The following SPOCK1 variants were observed in gnomAD, a reference collection of about 807,000 sequenced individuals.
SPOCK1 encodes testican-1.
A neutral mutation model predicts 55.3 loss-of-function variants in SPOCK1; 23 were observed. The ratio of observed to expected loss-of-function variants is 0.42; its 90% CI spans 0.30 to 0.59. SPOCK1 has a LOEUF of 0.59. Ranked by LOEUF, SPOCK1 falls within the 20% of genes least tolerant of loss-of-function variation. SPOCK1 has a pLI of 0.22. For synonymous variants in SPOCK1, 226 were observed against 221.0 expected, an observed-to-expected ratio of 1.02 and a Z score of -0.20; for missense variants, 499 against 552.5, an observed-to-expected ratio of 0.90 and a Z score of 0.97.
At chr5:136,982,047 TA>T (rs1750742305) in intron 9 of SPOCK1, among the ~76,000 whole-genome samples, 1 of 152,212 alleles carries the variant, frequency 6.6e-6, no homozygotes, top group Non-Finnish European at 1.5e-5. Flanking sequence ...TTCAGTACGA[TA>T]AAATGGTGTA....
intron 5 of SPOCK1, among the ~76,000 whole-genome samples, chr5:137,083,380 C>T (rs1186024261): frequency 6.6e-6 from 1 of 152,180 alleles, no homozygotes; most frequent in Non-Finnish European, 1.5e-5. Context: ...TTCCCTGGCT[C>T]CAGCCTTACA....
At chr5:137,268,066 C>T (rs2916638) in intron 2 of SPOCK1, among the ~76,000 whole-genome samples, 105,406 of 152,174 alleles carry the variant, frequency 0.69, 37,253 homozygotes, top group African/African-American at 0.81. Context: ...TACATCAAAG[C>T]GCACAATTAG....
chr5:137,085,560 C>A (rs1027794974), intron 5 of SPOCK1, among the ~76,000 whole-genome samples: 2 of 152,124 alleles, frequency 1.3e-5, no homozygotes, highest in South Asian at 2.1e-4. Flanking sequence ...GGTCTCCACA[C>A]TGGGGAGGAA....
intron 3 of SPOCK1, among the ~76,000 whole-genome samples, chr5:137,167,886 A>G (rs1324629930): frequency 6.6e-6 from 1 of 152,082 alleles, no homozygotes; most frequent in Non-Finnish European, 1.5e-5. Flanking sequence ...GAAAAATGTC[A>G]AAAAACAACC....
chr5:137,388,020 A>C (rs1483256672), intron 2 of SPOCK1, among the ~76,000 whole-genome samples: 1 of 152,204 alleles, frequency 6.6e-6, no homozygotes, highest in Non-Finnish European at 1.5e-5. Context: ...AATAGAATCC[A>C]GGTTTCCCAT....
chr5:137,457,777 T>C (rs767150783), intron 2 of SPOCK1, among the ~76,000 whole-genome samples: 1 of 152,188 alleles, frequency 6.6e-6, no homozygotes, highest in Non-Finnish European at 1.5e-5. Context: ...CAAGAACATA[T>C]TGGCTTGTCT....
chr5:137,358,387 C>CAGAAA (rs1750863202), intron 2 of SPOCK1, among the ~76,000 whole-genome samples: 4 of 78,996 alleles, frequency 5.1e-5, no homozygotes, highest in Admixed American at 2.8e-4. Flanking sequence ...ACCTTCATGA[C>CAGAAA]GGAAAGGAAG....
intron 4 of SPOCK1, among the ~76,000 whole-genome samples, chr5:137,140,348 A>G (rs1486554042): frequency 6.6e-6 from 1 of 152,214 alleles, no homozygotes; most frequent in Non-Finnish European, 1.5e-5. Context: ...CAGGACTCAG[A>G]GTCAAAATGA....
intron 2 of SPOCK1, among the ~76,000 whole-genome samples, chr5:137,364,795 C>T (rs1237580943): frequency 6.6e-6 from 1 of 152,206 alleles, no homozygotes; most frequent in Non-Finnish European, 1.5e-5. Flanking sequence ...TTGGAATTAG[C>T]CAAAGCTGTG....
chr5:137,241,439 C>T (rs140235883), intron 3 of SPOCK1, among the ~76,000 whole-genome samples: 1 of 152,308 alleles, frequency 6.6e-6, no homozygotes, highest in East Asian at 1.9e-4. Context: ...GACATACTTA[C>T]TGCCAAGGCT....
At chr5:137,022,271 C>A (rs1471549993) in intron 6 of SPOCK1, among the ~76,000 whole-genome samples, 1 of 152,112 alleles carries the variant, frequency 6.6e-6, no homozygotes, top group East Asian at 1.9e-4. Context: ...AGTGGGTGTT[C>A]CAGCCAACAG....
chr5:137,449,229 G>A (rs1305002988), intron 2 of SPOCK1, among the ~76,000 whole-genome samples: 9 of 152,156 alleles, frequency 5.9e-5, no homozygotes. Context: ...TCTGCCCAGT[G>A]CAACAAAAAG....
chr5:137,081,372 T>C (rs1752875592), intron 5 of SPOCK1, among the ~76,000 whole-genome samples: 1 of 152,174 alleles, frequency 6.6e-6, no homozygotes, highest in South Asian at 2.1e-4. Context: ...GCCCCCAGTG[T>C]ACTCTGAAAA....
chr5:137,036,718 C>T (rs369348759), intron 6 of SPOCK1, among the ~76,000 whole-genome samples: 10 of 152,210 alleles, frequency 6.6e-5, no homozygotes, highest in African/African-American at 2.4e-4. Flanking sequence ...GGGAGGGAGG[C>T]CCCTCCACCT....
At chr5:137,424,248 G>A (rs1473550310) in intron 2 of SPOCK1, among the ~76,000 whole-genome samples, 2 of 152,174 alleles carry the variant, frequency 1.3e-5, no homozygotes, top group Non-Finnish European at 2.9e-5. Context: ...AGGCACGGTG[G>A]CATGCACCTG....
chr5:137,086,669 G>A (rs2158409), intron 5 of SPOCK1, among the ~76,000 whole-genome samples: 118,602 of 152,158 alleles, frequency 0.78, 46,898 homozygotes, highest in East Asian at 1. Flanking sequence ...AGCAATGTCT[G>A]TGCAGCCCCT....
intron 5 of SPOCK1, among the ~76,000 whole-genome samples, chr5:137,080,548 G>C (rs1468210766): frequency 1.3e-5 from 2 of 152,140 alleles, no homozygotes; most frequent in Admixed American, 6.5e-5. Flanking sequence ...TGTCTCTATA[G>C]AACCCCTGCC....
intron 2 of SPOCK1, among the ~76,000 whole-genome samples, chr5:137,290,634 T>C (rs1757355134): frequency 6.6e-6 from 1 of 152,180 alleles, no homozygotes; most frequent in South Asian, 2.1e-4. Flanking sequence ...GAGAAATAAG[T>C]GAAACAGAAA....
At chr5:137,483,265 G>A (rs557022309) in intron 2 of SPOCK1, among the ~76,000 whole-genome samples, 58 of 152,314 alleles carry the variant, frequency 3.8e-4, no homozygotes, top group Admixed American at 5.2e-4. Flanking sequence ...CCTGGAAGGC[G>A]GAGGTTGCAG....
Sources: allele counts gnomAD v4.1 joint callset (sites outside exome capture counted in the v4.1 genomes callset), GRCh38; gene constraint gnomAD v4.1.1; transcripts MANE v1.5; gene names NCBI Gene and HGNC (gene_info 2026-07-23, HGNC 2026-07-21).